The following LHPP variants were observed in gnomAD, a reference collection of about 807,000 sequenced individuals.
LHPP encodes phospholysine phosphohistidine inorganic pyrophosphate phosphatase, also known as hLHPP.
A neutral mutation model predicts 30.3 loss-of-function variants in LHPP; 24 were observed. That is an observed-to-expected ratio of 0.79 (90% CI 0.57 to 1.11). The LOEUF is 1.11. Ranked by LOEUF, LHPP falls within the 50% of genes most tolerant of loss-of-function variation. The pLI is 0.00. For missense variants in LHPP, 356 were observed against 367.2 expected (o/e 0.97, Z 0.25); for synonymous variants, 150 against 157.1 (o/e 0.95, Z 0.34).
rs761160752 is a variant in LHPP, at chr10:124,488,402, GTCTC to G, written c.314-10_314-7del. 17 of 1,609,364 alleles carry G rather than the reference GTCTC, an allele frequency of 1.1e-5. No homozygotes were observed. Among genetic ancestry groups the G allele is most frequent in the African/African-American group, 8.0e-5 (6 of 74,712 alleles). Reference sequence around the variant, plus strand: ...TCCTCCCAGGGCTCCGTGGCACTCTGTCTCTCTCTCTCTTTCCAGGAGTCCGCTC... The same window carrying G: ...TCCTCCCAGGGCTCCGTGGCACTCTGTCTCTCTCTTTCCAGGAGTCCGCTC... On this transcript the variant is annotated splice_polypyrimidine_tract_variant and intron_variant, in intron 2 of 6. Transcript: ENST00000368842.
intron 6 of LHPP, among the ~76,000 whole-genome samples, chr10:124,611,898 T>C (rs1949205892): frequency 6.6e-6 from 1 of 152,236 alleles, no homozygotes; most frequent in African/African-American, 2.4e-5. Context: ...GTTTCCCTGC[T>C]TCTCAGGGAG....
intron 6 of LHPP, chr10:124,612,883 G>A (rs1373717070): frequency 8.1e-6 from 2 of 246,358 alleles, no homozygotes; most frequent in Non-Finnish European, 1.6e-5. Context: ...CACTAGGCCA[G>A]GCCAGGGGTG....
At chr10:124,462,179 G>A (rs1486931200) in intron 1 of LHPP, among the ~76,000 whole-genome samples, 192 bp downstream of exon 1, 1 of 152,210 alleles carries the variant, frequency 6.6e-6, no homozygotes, top group African/African-American at 2.4e-5. Flanking sequence ...GCGAGCACCA[G>A]GACTCTGCTG....
At chr10:124,606,793 G>A (rs1451584558) in intron 6 of LHPP, among the ~76,000 whole-genome samples, 2 of 152,204 alleles carry the variant, frequency 1.3e-5, no homozygotes, top group African/African-American at 2.4e-5. Context: ...CGTAGCCAGG[G>A]AAGGGCGGAG....
At chr10:124,569,713 T>A (rs550247947) in intron 6 of LHPP, among the ~76,000 whole-genome samples, 2 of 152,250 alleles carry the variant, frequency 1.3e-5, no homozygotes, top group Non-Finnish European at 2.9e-5. Context: ...ACAGATGCCA[T>A]GAAGGCTGTG....
intron 6 of LHPP, among the ~76,000 whole-genome samples, chr10:124,611,513 A>G (rs186863225): frequency 1.4e-5 from 2 of 147,678 alleles, no homozygotes; most frequent in Non-Finnish European, 3.0e-5. Flanking sequence ...GGGGCGCTGG[A>G]GGGGCTTAGG....
chr10:124,550,243 T>A (rs931034791), intron 6 of LHPP, among the ~76,000 whole-genome samples: 38 of 152,242 alleles, frequency 2.5e-4, no homozygotes, highest in African/African-American at 8.4e-4. Context: ...CTGACCTGTG[T>A]CTTATGGCCT....
chr10:124,477,878 C>T (rs893057090), intron 1 of LHPP, among the ~76,000 whole-genome samples: 1 of 152,218 alleles, frequency 6.6e-6, no homozygotes, highest in Non-Finnish European at 1.5e-5. Flanking sequence ...CCTATGTCCT[C>T]CTGAGCACCT....
chr10:124,512,858 C>A (rs1954341008), intron 5 of LHPP, among the ~76,000 whole-genome samples: 1 of 152,132 alleles, frequency 6.6e-6, no homozygotes. Context: ...ATCGGGCCCG[C>A]CCCCTCTTTC....
chr10:124,464,440 G>A (rs1288358930), intron 1 of LHPP, among the ~76,000 whole-genome samples: 1 of 152,202 alleles, frequency 6.6e-6, no homozygotes, highest in East Asian at 1.9e-4. Flanking sequence ...TAGTGAAGCC[G>A]GAGGTGTTTG....
At chr10:124,582,265 A>G (rs569877652) in intron 6 of LHPP, among the ~76,000 whole-genome samples, 23 of 152,116 alleles carry the variant, frequency 1.5e-4, no homozygotes, top group African/African-American at 5.3e-4. Context: ...TTTTATTTTT[A>G]TAGAGATGGG....
At chr10:124,553,983 C>T (rs966905350) in intron 6 of LHPP, 9 of 985,280 alleles carry the variant, frequency 9.1e-6, no homozygotes, top group Middle Eastern at 5.2e-4. Flanking sequence ...GGGAACTGGG[C>T]GCTCCTGTGG....
intron 6 of LHPP, among the ~76,000 whole-genome samples, chr10:124,548,723 G>A (rs771629348): frequency 7.9e-5 from 12 of 152,250 alleles, no homozygotes; most frequent in Non-Finnish European, 1.3e-4. Flanking sequence ...TGCTGGGCGG[G>A]CAGGTGGATC....
At chr10:124,525,591 C>T (rs892007571) in intron 6 of LHPP, among the ~76,000 whole-genome samples, 8 of 152,122 alleles carry the variant, frequency 5.3e-5, no homozygotes, top group Non-Finnish European at 8.8e-5. Flanking sequence ...GAGGCGGAGG[C>T]GAGTGTGTGA....
chr10:124,580,589 G>A (rs1273740613), intron 6 of LHPP, among the ~76,000 whole-genome samples: 3 of 151,902 alleles, frequency 2.0e-5, no homozygotes, highest in Non-Finnish European at 4.4e-5. Context: ...CCTGTTAAAT[G>A]TATCTTTAAA....
chr10:124,578,071 C>T (rs755142753), intron 6 of LHPP, among the ~76,000 whole-genome samples: 22 of 152,340 alleles, frequency 1.4e-4, no homozygotes, highest in Non-Finnish European at 2.8e-4. Context: ...GGACCAAGCC[C>T]CAGGACAGTG....
At position 124,520,640 on chromosome 10, in the gene LHPP, G is replaced by T. The variant is rs543541383; in HGVS notation, c.716+3369G>T. Among the ~76,000 whole-genome samples, 319 of 152,352 alleles carry T rather than the reference G, an allele frequency of 2.1e-3. 1 individual carries two copies. Among genetic ancestry groups the T allele is most frequent in the Non-Finnish European group, 2.8e-3 (190 of 68,034 alleles). ...ACAAAGGGAGAAGAGTGTTAGCTTG[G>T]CTAAGGTAGGGACCCAGTCGCTGGG... On this transcript the variant is annotated intron_variant, in intron 6 of 6. Transcript: ENST00000368842.
intron 6 of LHPP, among the ~76,000 whole-genome samples, chr10:124,533,097 T>C (rs1564814641): frequency 6.6e-6 from 1 of 152,178 alleles, no homozygotes; most frequent in Non-Finnish European, 1.5e-5. Flanking sequence ...CAGGAGGTAG[T>C]TCAGGGAAGC....
At chr10:124,475,504 G>A (rs1021178379) in intron 1 of LHPP, among the ~76,000 whole-genome samples, 12 of 152,004 alleles carry the variant, frequency 7.9e-5, no homozygotes, top group African/African-American at 2.9e-4. Context: ...TCATGCCACT[G>A]CACTCCAGCC....
Sources: gnomAD v4.1 joint callset for allele counts (sites outside exome capture counted in the v4.1 genomes callset) on GRCh38, gnomAD v4.1.1 for gene constraint, MANE v1.5 for transcripts, NCBI Gene and HGNC (gene_info 2026-07-23, HGNC 2026-07-21) for gene names.